Variants in IFT52 observed in about 807,000 individuals in gnomAD.
IFT52 encodes intraflagellar transport protein 52 homolog.
Under a neutral mutation model 54.4 loss-of-function variants are expected in IFT52, and 44 were observed. The ratio of observed to expected loss-of-function variants is 0.81; its 90% CI spans 0.63 to 1.04. The LOEUF (loss-of-function observed/expected upper bound fraction) is 1.04, where lower values mean the gene tolerates loss of function less well. IFT52 is among the 50% of genes least tolerant of loss of function. The pLI, the probability that IFT52 is intolerant of heterozygous loss-of-function variation, is 0.00. For synonymous variants in IFT52, 181 were observed against 185.3 expected (o/e 0.98, Z 0.19); for missense variants, 452 against 523.6 (o/e 0.86, Z 1.33).
At chr20:43,594,007 A>G (rs1302568520) in intron 1 of IFT52, among the ~76,000 whole-genome samples, 1 of 152,198 alleles carries the variant, frequency 6.6e-6, no homozygotes, top group Non-Finnish European at 1.5e-5. Context: ...GTAAGTTAAT[A>G]TATGTATAAA....
intron 11 of IFT52, among the ~76,000 whole-genome samples, chr20:43,636,667 A>G (rs1192130213): frequency 6.6e-6 from 1 of 152,206 alleles, no homozygotes; most frequent in Non-Finnish European, 1.5e-5. Flanking sequence ...AATACTTTCT[A>G]CACTAATCTG....
At chr20:43,613,707 A>T in intron 6 of IFT52, 143 bp from the exon 7 acceptor site, 1 of 738,106 alleles carries the variant, frequency 1.4e-6, no homozygotes, top group Non-Finnish European at 2.3e-6. Flanking sequence ...CAGTGAGCCA[A>T]GATCGCACCA....
At chr20:43,598,594 T>C (rs1982183351) in intron 3 of IFT52, among the ~76,000 whole-genome samples, 2 of 151,810 alleles carry the variant, frequency 1.3e-5, no homozygotes, top group Non-Finnish European at 2.9e-5. Flanking sequence ...ACTTGGGAAG[T>C]GGAGGTGGGA....
chr20:43,614,811 T>G (rs897816664), intron 7 of IFT52, among the ~76,000 whole-genome samples: 1 of 145,312 alleles, frequency 6.9e-6, no homozygotes, highest in East Asian at 2.0e-4. Context: ...TTCTTTTTCT[T>G]TTTTTTTTTT....
chr20:43,622,912 A>G (rs1600492822), intron 9 of IFT52, among the ~76,000 whole-genome samples: 1 of 151,856 alleles, frequency 6.6e-6, no homozygotes, highest in African/African-American at 2.4e-5. Flanking sequence ...TTACTAGTCC[A>G]CAGCATGTGT....
At chr20:43,601,112 G>A (rs112071960) in intron 3 of IFT52, among the ~76,000 whole-genome samples, 21 of 151,998 alleles carry the variant, frequency 1.4e-4, no homozygotes, top group Non-Finnish European at 2.1e-4. Flanking sequence ...TCTGAATATT[G>A]CAGGACCTTA....
rs376926178 is a variant in IFT52 at position 43,633,954 on chromosome 20, A to G, written c.924-1972A>G. 5.1e-3 allele frequency among the ~76,000 whole-genome samples: 775 copies of G among 151,976 alleles called. 5 individuals carry two copies. Among genetic ancestry groups the G allele is most frequent in the South Asian group, 0.011 (54 of 4,798 alleles). On this transcript the variant is annotated intron_variant, in intron 10 of 13. Coordinates refer to ENST00000373030, the MANE Select transcript of IFT52 (RefSeq NM_016004.5). ...TGAAACAGGAGGACCTCTTGAGGCCAGGGGTTCGAGACCAGCCTGGGCAAC... is the reference window on the plus strand; with the variant it reads ...TGAAACAGGAGGACCTCTTGAGGCCGGGGGTTCGAGACCAGCCTGGGCAAC...
At position 43,604,180 on chromosome 20, in the gene IFT52, T is replaced by A. The variant is rs111901323; in HGVS notation, c.338-3T>A. 1.7e-4 allele frequency: 265 copies of A among 1,599,180 alleles called. 1 individual carries two copies. In the African/African-American group the frequency reaches 2.9e-3, roughly 17 times the overall value. ...TATACCTCCTTCTCTTTTTCCCTCA[T>A]AGATGCTGTGGTTAGAAATGTATAT... On this transcript the variant is annotated splice_polypyrimidine_tract_variant and splice_region_variant and intron_variant, in intron 4 of 13. Transcript: ENST00000373030.
intron 10 of IFT52, among the ~76,000 whole-genome samples, chr20:43,634,984 C>T (rs1310334471): frequency 6.6e-6 from 1 of 152,036 alleles, no homozygotes; most frequent in Non-Finnish European, 1.5e-5. Context: ...GCCTGACCAA[C>T]ATGGTGAAAC....
At chr20:43,640,364 G>A (rs576254154) in intron 12 of IFT52, among the ~76,000 whole-genome samples, 4 of 152,278 alleles carry the variant, frequency 2.6e-5, no homozygotes, top group African/African-American at 9.6e-5. Context: ...GGAGGCTGAG[G>A]CAGGAGAATT....
intron 6 of IFT52, among the ~76,000 whole-genome samples, chr20:43,607,931 G>C (rs914889562): frequency 6.6e-6 from 1 of 152,200 alleles, no homozygotes. Flanking sequence ...GATCACTCGC[G>C]GTTAGGAGCT....
intron 7 of IFT52, among the ~76,000 whole-genome samples, chr20:43,618,711 C>G (rs185967662): frequency 6.6e-6 from 1 of 151,944 alleles, no homozygotes; most frequent in African/African-American, 2.4e-5. Flanking sequence ...TTTGAACTCT[C>G]AACCTCAGGT....
intron 12 of IFT52, among the ~76,000 whole-genome samples, chr20:43,637,938 T>C (rs73274345): frequency 0.021 from 3,271 of 152,198 alleles, 127 homozygotes; most frequent in African/African-American, 0.074. Context: ...CAAAGAATGA[T>C]AGAGACTTCA....
intron 11 of IFT52, among the ~76,000 whole-genome samples, chr20:43,636,363 C>T (rs1287642026): frequency 6.6e-6 from 1 of 152,206 alleles, no homozygotes; most frequent in Non-Finnish European, 1.5e-5. Context: ...TAACATAATT[C>T]TCACAGCCCA....
intron 6 of IFT52, among the ~76,000 whole-genome samples, chr20:43,610,224 G>A (rs559796109): frequency 5.6e-4 from 83 of 148,810 alleles, no homozygotes; most frequent in Admixed American, 1.0e-3. Flanking sequence ...CCCGGGAGGC[G>A]GAGGGTGCGA....
At chr20:43,600,043 A>T (rs542788099) in intron 3 of IFT52, among the ~76,000 whole-genome samples, 1 of 152,334 alleles carries the variant, frequency 6.6e-6, no homozygotes, top group Admixed American at 6.5e-5. Context: ...GTGTATTTCA[A>T]ATTGTAAATG....
At chr20:43,631,980 C>T (rs1985202202) in intron 10 of IFT52, among the ~76,000 whole-genome samples, 1 of 150,682 alleles carries the variant, frequency 6.6e-6, no homozygotes, top group East Asian at 1.9e-4. Context: ...GGCTGGAGTG[C>T]AACGGCACGA....
At position 43,636,083 on chromosome 20, in the gene IFT52, C is replaced by T. The variant is rs897819861; in HGVS notation, c.1011+70C>T. On this transcript the variant is annotated intron_variant, in intron 11 of 13. Coordinates refer to ENST00000373030, the MANE Select transcript of IFT52 (RefSeq NM_016004.5). ...TGCCCTTATCTTGTCAGCAGGCATT[C>T]GCTGTGGTCCCTTCCATGTGCCATT... The T allele has an allele frequency of 2.2e-5, 32 of 1,451,492 alleles. No homozygotes were observed. The African/African-American group carries it at 2.8e-4, about 13-fold the overall frequency. 89.9% of individuals were successfully genotyped at this position (1,451,492 alleles called of 1,614,324 possible).
intron 6 of IFT52, among the ~76,000 whole-genome samples, chr20:43,610,489 T>G (rs1322065199): frequency 6.6e-6 from 1 of 151,882 alleles, no homozygotes; most frequent in African/African-American, 2.4e-5. Flanking sequence ...ATTCCAGCAC[T>G]TTGGGAGGCT....
Sources: allele counts gnomAD v4.1 joint callset (sites outside exome capture counted in the v4.1 genomes callset), GRCh38; gene constraint gnomAD v4.1.1; transcripts MANE v1.5; gene names NCBI Gene and HGNC (gene_info 2026-07-23, HGNC 2026-07-21).